CACNB2: variants seen among roughly 807,000 people sequenced by gnomAD.
The protein encoded by CACNB2 is voltage-dependent L-type calcium channel subunit beta-2.
Under a neutral mutation model 73.3 loss-of-function variants are expected in CACNB2, and 42 were observed. The ratio of observed to expected loss-of-function variants is 0.57; its 90% CI spans 0.45 to 0.74. The LOEUF (loss-of-function observed/expected upper bound fraction) is 0.74, where lower values mean the gene tolerates loss of function less well. Among genes scored for constraint, CACNB2 ranks in the 30% least tolerant of loss-of-function variants. The probability of loss-of-function intolerance (pLI) is 0.00; values close to 1 mark genes in which losing one functional copy is unlikely to be tolerated. For missense variants in CACNB2, 940 were observed against 853.0 expected (o/e 1.10, Z -1.27); for synonymous variants, 348 against 310.3 (o/e 1.12, Z -1.28).
intron 3 of CACNB2, among the ~76,000 whole-genome samples, chr10:18,483,004 C>T (rs1447798100): frequency 1.3e-5 from 2 of 152,098 alleles, no homozygotes; most frequent in African/African-American, 4.8e-5. Context: ...GACCTTGTTT[C>T]GGCCCCTTCA....
At chr10:18,486,755 A>G (rs1322938368) in intron 3 of CACNB2, among the ~76,000 whole-genome samples, 1 of 152,170 alleles carries the variant, frequency 6.6e-6, no homozygotes, top group Non-Finnish European at 1.5e-5. Flanking sequence ...AGAAGCATGG[A>G]GAAGGTGGGA....
At chr10:18,205,562 T>C (rs1170297959) in intron 2 of CACNB2, among the ~76,000 whole-genome samples, 1 of 152,212 alleles carries the variant, frequency 6.6e-6, no homozygotes. Context: ...ATTTGGTGTA[T>C]TGTTTAATGT....
At chr10:18,234,041 G>C (rs1464522513) in intron 2 of CACNB2, 1 of 152,242 alleles carries the variant, frequency 6.6e-6, no homozygotes, top group Non-Finnish European at 1.5e-5. Flanking sequence ...AGACATACCA[G>C]ATACTGGGAC....
intron 3 of CACNB2, among the ~76,000 whole-genome samples, chr10:18,454,877 C>A (rs1384595696): frequency 6.6e-6 from 1 of 151,894 alleles, no homozygotes; most frequent in Non-Finnish European, 1.5e-5. Context: ...CCCCCCGCTA[C>A]AAAAAAATTA....
chr10:18,329,553 T>C (rs2132005344), intron 2 of CACNB2, among the ~76,000 whole-genome samples: 1 of 144,052 alleles, frequency 6.9e-6, no homozygotes, highest in African/African-American at 2.6e-5. Flanking sequence ...TAAGCTTAAA[T>C]AATGGGCCAT....
Position 18,188,898 on chromosome 10 carries a change from C to T in CACNB2, c.213+37923C>T, listed in dbSNP as rs1588656967. ...GATCATACTATGAAACTTGAACTCA[C>T]ATTAGTACCAGAATAGACTCTGAGA... On this transcript the variant is annotated intron_variant, in intron 2 of 13. Coordinates refer to ENST00000324631, the MANE Select transcript of CACNB2 (RefSeq NM_201596.3). 2.0e-5 allele frequency among the ~76,000 whole-genome samples: 3 copies of T among 152,072 alleles called. No individual in the cohort carries two copies. The East Asian group carries it at 5.8e-4, about 29-fold the overall frequency.
Position 18,314,591 on chromosome 10 carries a change from C to T in CACNB2, c.214-87333C>T, listed in dbSNP as rs1357936325. On this transcript the variant is annotated intron_variant, in intron 2 of 13. Coordinates refer to ENST00000324631, the MANE Select transcript of CACNB2 (RefSeq NM_201596.3). The stretch of plus-strand genomic sequence containing the variant: ...TCCCACATTTGTGAGAAAAAAAAAA[C>T]GTGAGCCACCATAAAGTAACTAAAA... Among the ~76,000 whole-genome samples, 5 of 150,896 alleles carry T rather than the reference C, an allele frequency of 3.3e-5. 1 individual carries two copies. Among genetic ancestry groups the T allele is most frequent in the Non-Finnish European group, 4.4e-5 (3 of 67,790 alleles).
At chr10:18,462,864 T>G (rs2047657388) in intron 3 of CACNB2, among the ~76,000 whole-genome samples, 1 of 152,104 alleles carries the variant, frequency 6.6e-6, no homozygotes, top group Admixed American at 6.6e-5. Context: ...GTTCAAGAGA[T>G]TCTCCTGCCT....
At chr10:18,161,266 T>C (rs1218839150) in intron 2 of CACNB2, among the ~76,000 whole-genome samples, 2 of 152,242 alleles carry the variant, frequency 1.3e-5, no homozygotes, top group Non-Finnish European at 2.9e-5. Flanking sequence ...AAAATTATTT[T>C]GGCTTCAAGC....
intron 3 of CACNB2, among the ~76,000 whole-genome samples, chr10:18,449,065 G>A (rs1167412084): frequency 6.6e-6 from 1 of 152,168 alleles, no homozygotes; most frequent in Admixed American, 6.5e-5. Context: ...TGGGGCAGCA[G>A]AGCCCCTACC....
chr10:18,475,248 GCA>G (rs1483771131), intron 3 of CACNB2, among the ~76,000 whole-genome samples: 1 of 151,790 alleles, frequency 6.6e-6, no homozygotes, highest in African/African-American at 2.4e-5. Flanking sequence ...TGTTACTTAG[GCA>G]CCATTGACTA....
intron 2 of CACNB2, among the ~76,000 whole-genome samples, chr10:18,384,696 C>G (rs2043151377): frequency 6.6e-6 from 1 of 151,718 alleles, no homozygotes. Flanking sequence ...TGCCATTGTA[C>G]TCCAGCCTGG....
chr10:18,531,772 T>C (rs984383524), intron 10 of CACNB2: 4 of 152,220 alleles, frequency 2.6e-5, no homozygotes, highest in Non-Finnish European at 4.4e-5. Context: ...GTGTTGTAGC[T>C]TCTCTTCTTT....
chr10:18,200,052 ACACTT>A (rs2034811872), intron 2 of CACNB2, among the ~76,000 whole-genome samples: 1 of 151,788 alleles, frequency 6.6e-6, no homozygotes. Context: ...CTCAAATCAA[ACACTT>A]CATTTAGTTT....
At chr10:18,168,075 T>TA (rs11440334) in intron 2 of CACNB2, among the ~76,000 whole-genome samples, 70,658 of 151,874 alleles carry the variant, frequency 0.47, 16,593 homozygotes, top group East Asian at 0.57. Context: ...TGCTGGGTTT[T>TA]AAAAAAATTG....
intron 2 of CACNB2, among the ~76,000 whole-genome samples, chr10:18,228,369 G>A (rs2036083090): frequency 7.3e-6 from 1 of 136,846 alleles, no homozygotes. Flanking sequence ...GAAGGCAGAG[G>A]TTGCGGTGAG....
intron 2 of CACNB2, among the ~76,000 whole-genome samples, chr10:18,305,313 T>C (rs1032310120): frequency 2.0e-5 from 3 of 152,210 alleles, no homozygotes; most frequent in African/African-American, 4.8e-5. Context: ...TTAAGTTCAA[T>C]ATTCAGAGGA....
intron 3 of CACNB2, among the ~76,000 whole-genome samples, chr10:18,496,402 A>G (rs1236676110): frequency 1.3e-5 from 2 of 152,208 alleles, no homozygotes; most frequent in East Asian, 3.8e-4. Flanking sequence ...TTTGGAAATG[A>G]AAATGGGTTC....
chr10:18,367,263 A>C (rs901514200), intron 2 of CACNB2, among the ~76,000 whole-genome samples: 6 of 152,030 alleles, frequency 3.9e-5, no homozygotes, highest in African/African-American at 1.4e-4. Context: ...TTTGGGACAA[A>C]GTTTGAAATG....
Sources: allele counts gnomAD v4.1 joint callset (sites outside exome capture counted in the v4.1 genomes callset), GRCh38; gene constraint gnomAD v4.1.1; transcripts MANE v1.5; gene names NCBI Gene and HGNC (gene_info 2026-07-23, HGNC 2026-07-21).